Variants in RPS6KC1 observed in about 807,000 individuals in gnomAD.
RPS6KC1 encodes inactive ribosomal protein S6 kinase delta-1.
RPS6KC1 carries 54 observed loss-of-function variants against 103.8 expected under a neutral mutation model. The observed-to-expected ratio is 0.52, with a 90% CI of 0.42 to 0.65. RPS6KC1 has a LOEUF of 0.65. Ranked by LOEUF, RPS6KC1 falls within the 30% of genes least tolerant of loss-of-function variation. The probability of loss-of-function intolerance (pLI) is 0.00; values close to 1 mark genes in which losing one functional copy is unlikely to be tolerated. For synonymous variants in RPS6KC1, 439 were observed against 438.7 expected (o/e 1.00, Z -0.01); for missense variants, 1,151 against 1,253.8 (o/e 0.92, Z 1.24).
At chr1:213,304,521 G>T in the RPS6KC1 span, among the ~76,000 whole-genome samples, 1 of 150,892 alleles carries the variant, frequency 6.6e-6, no homozygotes, top group Non-Finnish European at 1.5e-5. Flanking sequence ...AAATTACTCT[G>T]TATAGAAAAT....
At chr1:213,358,999 C>G in the RPS6KC1 span, among the ~76,000 whole-genome samples, 3 of 152,212 alleles carry the variant, frequency 2.0e-5, no homozygotes, top group East Asian at 5.8e-4. Flanking sequence ...TTTGGAATAG[C>G]TGTGGTGTGA....
At chr1:213,601,977 TTC>T in the RPS6KC1 span, among the ~76,000 whole-genome samples, 371 of 24,124 alleles carry the variant, frequency 0.015, 67 homozygotes, top group East Asian at 0.49. Context: ...CCTCCCTTCC[TTC>T]CTCTCTCTCT....
intron 4 of RPS6KC1, among the ~76,000 whole-genome samples, chr1:213,116,099 G>C (rs2083570290): frequency 6.6e-6 from 1 of 151,850 alleles, no homozygotes; most frequent in Admixed American, 6.6e-5. Context: ...TTCAATTCCT[G>C]GGTATCCTTG....
chr1:213,551,165 T>G, the RPS6KC1 span, among the ~76,000 whole-genome samples: 1 of 152,178 alleles, frequency 6.6e-6, no homozygotes, highest in Non-Finnish European at 1.5e-5. Context: ...CAGCCCGACA[T>G]CCAGACTGCT....
chr1:213,698,402 A>T, the RPS6KC1 span, among the ~76,000 whole-genome samples: 18 of 152,330 alleles, frequency 1.2e-4, no homozygotes, highest in African/African-American at 2.6e-4. Flanking sequence ...TAAAATGGTT[A>T]TGAAATTTTG....
At position 213,241,503 on chromosome 1, in the gene RPS6KC1, C is replaced by T; in HGVS notation, c.2027C>T (p.Ala676Val). 6.2e-7 allele frequency: 1 copy of T among 1,613,960 alleles called. No homozygotes were observed. Among genetic ancestry groups the T allele is most frequent in the South Asian group, 1.1e-5 (1 of 91,088 alleles). Reference protein sequence around the residue: ...DSVPVISFKDAAFDDVSGTDE... With the variant: ...DSVPVISFKDVAFDDVSGTDE... ...GTGCCAGTTATTTCATTTAAAGATG[C>T]TGCTTTTGATGATGTCAGTGGTACT... Residue 676 changes from alanine (A) to valine (V), a missense_variant, in exon 11 of 15, where the codon GCT becomes GTT. Around this residue, in one of 3 missense-constraint regions of RPS6KC1, gnomAD observed 959 missense variants for 1,006.3 expected, o/e 0.95. Transcript: ENST00000366960.
the RPS6KC1 span, among the ~76,000 whole-genome samples, chr1:213,406,319 G>T: frequency 6.6e-6 from 1 of 152,174 alleles, no homozygotes; most frequent in African/African-American, 2.4e-5. Context: ...AGGGCTATTT[G>T]CTCAGTTTAT....
At chr1:213,494,358 T>C in the RPS6KC1 span, among the ~76,000 whole-genome samples, 1 of 152,078 alleles carries the variant, frequency 6.6e-6, no homozygotes, top group African/African-American at 2.4e-5. Flanking sequence ...CAAAAAATTC[T>C]TTGATGTTTT....
chr1:213,634,356 G>C, the RPS6KC1 span, among the ~76,000 whole-genome samples: 1 of 152,132 alleles, frequency 6.6e-6, no homozygotes, highest in South Asian at 2.1e-4. Context: ...AAATGTAAAA[G>C]AACAGAAATC....
the RPS6KC1 span, among the ~76,000 whole-genome samples, chr1:213,589,909 TTTGCCTTA>T: frequency 0.6 from 89,839 of 150,476 alleles, 28,239 homozygotes; most frequent in Non-Finnish European, 0.69. Context: ...GGGCATGTGT[TTTGCCTTA>T]TTCTTGTGAC....
chr1:213,652,362 C>A, the RPS6KC1 span, among the ~76,000 whole-genome samples: 1 of 152,198 alleles, frequency 6.6e-6, no homozygotes, highest in Non-Finnish European at 1.5e-5. Flanking sequence ...AGTAAAGGAA[C>A]TTGCCTGTTG....
chr1:213,152,572 C>T (rs1007760243), intron 6 of RPS6KC1, among the ~76,000 whole-genome samples: 5 of 147,618 alleles, frequency 3.4e-5, no homozygotes, highest in Admixed American at 6.7e-5. Flanking sequence ...GGGTTGCCGC[C>T]GGGCAGAGGT....
chr1:213,658,155 A>G, the RPS6KC1 span, among the ~76,000 whole-genome samples: 5 of 152,218 alleles, frequency 3.3e-5, no homozygotes, highest in Admixed American at 1.3e-4. Flanking sequence ...TGTAATGTTT[A>G]AAGAGTCAGA....
chr1:213,222,701 TA>T (rs1328868361), intron 8 of RPS6KC1, among the ~76,000 whole-genome samples: 1 of 152,154 alleles, frequency 6.6e-6, no homozygotes, highest in Non-Finnish European at 1.5e-5. Context: ...CTCATGAGAA[TA>T]AGGTGTGGAA....
chr1:213,292,825 C>A, the RPS6KC1 span, among the ~76,000 whole-genome samples: 1 of 152,082 alleles, frequency 6.6e-6, no homozygotes, highest in Admixed American at 6.5e-5. Flanking sequence ...TTGGTGTAGA[C>A]TTGAATAACA....
At chr1:213,573,520 G>A in the RPS6KC1 span, among the ~76,000 whole-genome samples, 6,172 of 152,246 alleles carry the variant, frequency 0.041, 316 homozygotes, top group East Asian at 0.28. Flanking sequence ...TTTATCTGGG[G>A]CATTAGCCAT....
In RPS6KC1 at chr1:213,176,411, A is replaced by T. The variant is rs758842119; in HGVS notation, c.963A>T (p.Ser321=). 6.2e-7 allele frequency: 1 copy of T among 1,600,318 alleles called. No individual in the cohort carries two copies. Among genetic ancestry groups the T allele is most frequent in the Non-Finnish European group, 8.5e-7 (1 of 1,169,832 alleles). Residue 321 remains serine, a synonymous_variant, in exon 8 of 15, where the codon TCA becomes TCT. Transcript: ENST00000366960. ...QLDDVSQPPG[S]LSSRPLWNLR... Reference sequence around the variant, plus strand: ...ATATCTTCCATTAGCCTCCAGGATCACTAAGTTCAAGGCCCCTTTGGAACC... The same window carrying T: ...ATATCTTCCATTAGCCTCCAGGATCTCTAAGTTCAAGGCCCCTTTGGAACC...
the RPS6KC1 span, among the ~76,000 whole-genome samples, chr1:213,519,317 A>G: frequency 6.6e-6 from 1 of 152,152 alleles, no homozygotes; most frequent in African/African-American, 2.4e-5. Flanking sequence ...GTAATGTTAG[A>G]TTGAGGATGG....
chr1:213,548,976 T>G, the RPS6KC1 span, among the ~76,000 whole-genome samples: 2 of 152,148 alleles, frequency 1.3e-5, no homozygotes, highest in Non-Finnish European at 2.9e-5. Context: ...GGAGGGAAAC[T>G]CTCATGAACT....
Sources: gnomAD v4.1 joint callset for allele counts (sites outside exome capture counted in the v4.1 genomes callset) on GRCh38, gnomAD v4.1.1 for gene constraint, gnomAD v4.1.1 regional missense constraint, MANE v1.5 for transcripts, NCBI Gene and HGNC (gene_info 2026-07-23, HGNC 2026-07-21) for gene names.